The following ATP13A3 variants were observed in gnomAD, a reference collection of about 807,000 sequenced individuals.
The protein encoded by ATP13A3 is polyamine-transporting ATPase 13A3.
ATP13A3 carries 59 observed loss-of-function variants against 158.1 expected under a neutral mutation model. That is an observed-to-expected ratio of 0.37 (90% CI 0.30 to 0.46). The LOEUF (loss-of-function observed/expected upper bound fraction) is 0.46. Among genes scored for constraint, ATP13A3 ranks in the 20% least tolerant of loss-of-function variants. The probability of loss-of-function intolerance (pLI) is 1.00; values close to 1 mark genes in which losing one functional copy is unlikely to be tolerated. For missense variants in ATP13A3, 1,166 were observed against 1,525.2 expected (o/e 0.76, Z 3.92); for synonymous variants, 491 against 504.3 (o/e 0.97, Z 0.35).
At chr3:194,476,763 G>GTTTT (rs1553808784) in intron 2 of ATP13A3, among the ~76,000 whole-genome samples, 7 of 130,616 alleles carry the variant, frequency 5.4e-5, no homozygotes, top group African/African-American at 2.6e-4. Context: ...AAAGTAAGTT[G>GTTTT]TTGTTTTTTT....
intron 6 of ATP13A3, among the ~76,000 whole-genome samples, chr3:194,458,171 A>C (rs1260299012): frequency 1.3e-5 from 2 of 152,040 alleles, no homozygotes; most frequent in African/African-American, 4.8e-5. Context: ...ATCCTTTTCC[A>C]CACTTTCCAC....
intron 14 of ATP13A3, among the ~76,000 whole-genome samples, chr3:194,446,231 G>A (rs1185292394): frequency 1.3e-5 from 2 of 152,126 alleles, no homozygotes; most frequent in Non-Finnish European, 2.9e-5. Flanking sequence ...ATAACACGAT[G>A]GGTGCCAGTG....
intron 21 of ATP13A3, 73 bp downstream of exon 21, chr3:194,433,699 T>C: frequency 1.3e-6 from 2 of 1,555,370 alleles, no homozygotes; most frequent in Non-Finnish European, 1.8e-6. Flanking sequence ...TTATAACTGA[T>C]TATCCCTCAA....
chr3:194,481,311 C>G (rs1720739215), intron 2 of ATP13A3, among the ~76,000 whole-genome samples: 1 of 150,482 alleles, frequency 6.6e-6, no homozygotes, highest in Admixed American at 6.6e-5. Context: ...TCATTTTAAA[C>G]AAACTAAAAA....
rs556760812 is a variant in ATP13A3 at position 194,456,850 on chromosome 3, T to C, written c.560+244A>G. Among the ~76,000 whole-genome samples, 3 of 152,252 alleles carry C rather than the reference T, an allele frequency of 2.0e-5. No homozygotes were observed. In the South Asian group the frequency reaches 6.2e-4, roughly 32 times the overall value. The stretch of plus-strand genomic sequence containing the variant: ...GTTAAAAGGTGGAAAAACGTGCACC[T>C]GGGAACTGATGAAATATGGTATAAT... On this transcript the variant is annotated intron_variant, in intron 7 of 33. Coordinates refer to ENST00000645319, the MANE Select transcript of ATP13A3 (RefSeq NM_001367549.1).
At chr3:194,487,026 T>G (rs567871175), upstream of ATP13A3, 1 of 147,310 alleles carries the variant, frequency 6.8e-6, no homozygotes, top group Non-Finnish European at 1.5e-5. Flanking sequence ...TGAGGTCACG[T>G]GGTGGCTTCA....
chr3:194,452,250 G>A (rs1448917903), intron 10 of ATP13A3: 1 of 152,288 alleles, frequency 6.6e-6, no homozygotes, highest in African/African-American at 2.4e-5. Flanking sequence ...CAGCACTCTG[G>A]AAGGCCAAGG....
chr3:194,434,254 C>T (rs995260412), intron 20 of ATP13A3, among the ~76,000 whole-genome samples: 1 of 152,212 alleles, frequency 6.6e-6, no homozygotes, highest in Non-Finnish European at 1.5e-5. Context: ...GCCACAAGCA[C>T]ATTCAATACA....
chr3:194,405,751 A>T lies in ATP13A3; in HGVS notation c.*168T>A. Reference sequence around the variant, plus strand: ...TTGTTAATTTAACTGTTAGGACGATATATTTTTCTGTTTTTATTTTAAGGA... The same window carrying T: ...TTGTTAATTTAACTGTTAGGACGATTTATTTTTCTGTTTTTATTTTAAGGA... On this transcript the variant is annotated 3_prime_UTR_variant, in exon 34 of 34. Coordinates refer to ENST00000645319, the MANE Select transcript of ATP13A3 (RefSeq NM_001367549.1). The T allele has an allele frequency of 1.5e-6, 1 of 674,786 alleles. No individual in the cohort carries two copies. The highest frequency in any genetic ancestry group is 2.5e-6 in the Non-Finnish European group (1 of 404,836). The allele number at this position is 674,786 out of a possible 1,614,324, so 41.8% of individuals were successfully genotyped here. A position where few individuals can be genotyped will look rare whatever the true frequency, so the allele number is the denominator to read the frequency against.
intron 22 of ATP13A3, 54 bp from the exon 23 acceptor site, chr3:194,431,280 A>C (rs1717201380): frequency 2.6e-6 from 4 of 1,518,302 alleles, no homozygotes; most frequent in Admixed American, 4.0e-5. Context: ...CAAGTAAAAC[A>C]ATTCTATTTT....
intron 21 of ATP13A3, among the ~76,000 whole-genome samples, chr3:194,433,186 A>G (rs759898882): frequency 3.3e-5 from 5 of 149,254 alleles, no homozygotes; most frequent in Non-Finnish European, 4.5e-5. Flanking sequence ...AAGAGAGAAA[A>G]CAAAAAGGAG....
At chr3:194,460,852 C>G in intron 3 of ATP13A3, 21 bp from the exon 4 acceptor site, 1 of 1,592,352 alleles carries the variant, frequency 6.3e-7, no homozygotes, top group Non-Finnish European at 8.6e-7. Context: ...ACAGCGATCA[C>G]ATGATTAATT....
chr3:194,440,044 C>T lies in ATP13A3; in HGVS notation c.1711-1072G>A, dbSNP rs529177941. ...TTATCCAGTCACCTCCTCCCTCTCTCCCTTTCAAAATGTGGGTAGGGAGGG... is the reference window on the plus strand; with the variant it reads ...TTATCCAGTCACCTCCTCCCTCTCTTCCTTTCAAAATGTGGGTAGGGAGGG... On this transcript the variant is annotated intron_variant, in intron 16 of 33. Coordinates refer to ENST00000645319, the MANE Select transcript of ATP13A3 (RefSeq NM_001367549.1). Among the ~76,000 whole-genome samples, 5 of 152,220 alleles carry T rather than the reference C, an allele frequency of 3.3e-5. No individual in the cohort carries two copies. The South Asian group carries it at 1.0e-3, about 32-fold the overall frequency.
chr3:194,492,419 G>C (rs1483138591), intron 2 of ATP13A3, among the ~76,000 whole-genome samples: 1 of 151,448 alleles, frequency 6.6e-6, no homozygotes. Context: ...GGATAAAAGG[G>C]TATAGTATTT....
intron 2 of ATP13A3, among the ~76,000 whole-genome samples, chr3:194,471,646 G>A (rs1266473904): frequency 3.3e-5 from 5 of 152,124 alleles, no homozygotes; most frequent in African/African-American, 9.7e-5. Context: ...GAGCTACCAC[G>A]CCCAGCCCTA....
chr3:194,477,860 C>T (rs894619823), intron 2 of ATP13A3, among the ~76,000 whole-genome samples: 9 of 152,190 alleles, frequency 5.9e-5, no homozygotes, highest in Admixed American at 1.3e-4. Context: ...GGGGCAGACA[C>T]TACCATCCTA....
chr3:194,413,616 A>G lies in ATP13A3; in HGVS notation c.3483+143T>C, dbSNP rs1160875289. On this transcript the variant is annotated intron_variant, in intron 32 of 33. Coordinates refer to ENST00000645319, the MANE Select transcript of ATP13A3 (RefSeq NM_001367549.1). ...ATCAATTCATGGAAAAGTTCACAAGAGAAGGCTAAATGAATTTGCCTGAGA... is the reference window on the plus strand; with the variant it reads ...ATCAATTCATGGAAAAGTTCACAAGGGAAGGCTAAATGAATTTGCCTGAGA... 3 of 752,584 alleles carry G rather than the reference A, an allele frequency of 4.0e-6. No homozygotes were observed. In the East Asian group the frequency reaches 7.5e-5, roughly 19 times the overall value. The allele number at this position is 752,584 out of a possible 1,614,324, so 46.6% of individuals were successfully genotyped here.
intron 28 of ATP13A3, among the ~76,000 whole-genome samples, chr3:194,427,635 CAATAAATAAATAAATA>C (rs72338242): frequency 0.054 from 7,357 of 137,202 alleles, 440 homozygotes; most frequent in East Asian, 0.15. Flanking sequence ...CCCATCTCTA[CAATAAATAAATAAATA>C]AATAAATAAA....
At chr3:194,447,701 G>A in intron 13 of ATP13A3, 151 bp downstream of exon 13, 1 of 684,658 alleles carries the variant, frequency 1.5e-6, no homozygotes, top group East Asian at 2.7e-5. Flanking sequence ...ATAGCTACTA[G>A]TCTCATGACT....
Sources: gnomAD v4.1 joint callset for allele counts (sites outside exome capture counted in the v4.1 genomes callset) on GRCh38, gnomAD v4.1.1 for gene constraint, MANE v1.5 for transcripts, NCBI Gene and HGNC (gene_info 2026-07-23, HGNC 2026-07-21) for gene names.